The following APOA5 variants were observed in gnomAD, a reference collection of about 807,000 sequenced individuals.
APOA5 encodes the protein apolipoprotein A5.
A neutral mutation model predicts 31.8 loss-of-function variants in APOA5; 26 were observed. That is an observed-to-expected ratio of 0.82 (90% CI 0.60 to 1.13). The LOEUF is 1.13. Ranked by LOEUF, APOA5 falls within the 50% of genes most tolerant of loss-of-function variation. The pLI is 0.00. For missense variants in APOA5, 450 were observed against 488.0 expected (o/e 0.92, Z 0.73); for synonymous variants, 186 against 198.5 (o/e 0.94, Z 0.53).
rs2075291 is a variant in APOA5 at position 116,790,676 on chromosome 11, C to A, written c.553G>T (p.Gly185Cys). 4,702 of 1,612,572 alleles carry A rather than the reference C, an allele frequency of 2.9e-3. 142 individuals carry two copies. The East Asian group carries it at 0.071, about 24-fold the overall frequency. ...GLQSRVVHHT[G>C]RFKELFHPYA... ...GGGTGGAAGAGCTCTTTGAAGCGGCCGGTGTGGTGCACCACGCGGCTCTGC... is the reference window on the plus strand; with the variant it reads ...GGGTGGAAGAGCTCTTTGAAGCGGCAGGTGTGGTGCACCACGCGGCTCTGC... Residue 185 changes from glycine (G) to cysteine (C), a missense_variant, in exon 3 of 3, where the codon GGC (glycine) becomes TGC (cysteine). Physicochemically the swap from Gly to Cys is radical, Grantham distance 159. Transcript: ENST00000227665.
upstream of APOA5, chr11:116,792,263 C>T: frequency 3.1e-6 from 1 of 322,568 alleles, no homozygotes; most frequent in Non-Finnish European, 6.0e-6. Context: ...GAAGAGGCAA[C>T]TCTGCCAAAA....
Position 116,790,836 on chromosome 11 carries a change from G to A in APOA5, c.393C>T (p.Pro131=). ...NLEGLRQQLK[P]YTMDLMEQVA... ...CCTGCTCCATCAGATCCATCGTGTA[G>A]GGCTTCAGTTGCTGCCGCAAGCCCT... Residue 131 remains proline, a synonymous_variant, in exon 3 of 3, where the codon CCC becomes CCT. Transcript: ENST00000227665. 1 of 1,613,842 alleles carries A rather than the reference G, an allele frequency of 6.2e-7. No individual in the cohort carries two copies. Among genetic ancestry groups the A allele is most frequent in the South Asian group, 1.1e-5 (1 of 91,090 alleles).
chr11:116,790,566 G>A lies in APOA5; in HGVS notation c.663C>T (p.Pro221=), dbSNP rs1038579905. The A allele has an allele frequency of 5.6e-6, 9 of 1,593,982 alleles. No individual in the cohort carries two copies. Among genetic ancestry groups the A allele is most frequent in the Admixed American group, 1.7e-5 (1 of 58,928 alleles). The change falls in exon 3 of 3, where the codon CCC becomes CCT. Residue 221 remains proline, a synonymous_variant. Transcript: ENST00000227665. ...CCTGCACGCAGCGACTGAGGCGCGC[G>A]GGGCTGGCGGGGGCGTGCGGAGCCA... ...RSVAPHAPAS[P]ARLSRCVQVL...
chr11:116,791,233 G>T, intron 2 of APOA5, 166 bp from the exon 3 acceptor site: 1 of 721,190 alleles, frequency 1.4e-6, no homozygotes, highest in Non-Finnish European at 2.5e-6. Context: ...ACTCACGCAC[G>T]AAGCACAAAC....
At position 116,791,702 on chromosome 11, in the gene APOA5, G is replaced by A; in HGVS notation, c.50-5C>T. 6.2e-7 allele frequency: 1 copy of A among 1,608,888 alleles called. No homozygotes were observed. The highest frequency in any genetic ancestry group is 8.5e-7 in the Non-Finnish European group (1 of 1,177,564). On this transcript the variant is annotated splice_polypyrimidine_tract_variant and splice_region_variant and intron_variant, in intron 1 of 2. Transcript: ENST00000227665. ...GTGCCTGGGTGGCCGAAAACGCTGTGGAGAGGGACTAGGTAATCAGGGCCT... is the reference window on the plus strand; with the variant it reads ...GTGCCTGGGTGGCCGAAAACGCTGTAGAGAGGGACTAGGTAATCAGGGCCT...
At chr11:116,792,351 A>T, upstream of APOA5, 1 of 218,788 alleles carries the variant, frequency 4.6e-6, no homozygotes, top group Non-Finnish European at 9.3e-6. Context: ...TAGGACTGTG[A>T]CCCCCATCCC....
At chr11:116,791,738 C>T in intron 1 of APOA5, 41 bp from the exon 2 acceptor site, 1 of 1,611,590 alleles carries the variant, frequency 6.2e-7, no homozygotes, top group East Asian at 2.2e-5. Flanking sequence ...GGGCTCTCCT[C>T]CCCCAGGGTG....
rs1940958538 is a variant in APOA5 at position 116,789,777 on chromosome 11, T to A, written c.*351A>T. 1 of 385,356 alleles carries A rather than the reference T, an allele frequency of 2.6e-6. No individual in the cohort carries two copies. The highest frequency in any genetic ancestry group is 2.3e-5 in the South Asian group (1 of 42,768). The allele number at this position is 385,356 out of a possible 1,614,324, so 23.9% of individuals were successfully genotyped here. ...ACTAGAGCCAAACTCCAGGATGTAG[T>A]GGCACAGGCTTCCAGCATCACGGCA... On this transcript the variant is annotated 3_prime_UTR_variant, in exon 3 of 3. Coordinates refer to ENST00000227665, the MANE Select transcript of APOA5 (RefSeq NM_001371904.1).
chr11:116,791,478 CCT>C, intron 2 of APOA5, 106 bp downstream of exon 2: 1 of 1,179,658 alleles, frequency 8.5e-7, no homozygotes, highest in Non-Finnish European at 1.2e-6. Flanking sequence ...CCGCTCCTTT[CCT>C]CTGTCCCAGC....
rs753434004 is a variant in APOA5 at position 116,790,203 on chromosome 11, G to T, written c.1026C>A (p.Ala342=). Residue 342 remains alanine (A), a synonymous_variant, in exon 3 of 3, where the codon GCC becomes GCA. Coordinates refer to ENST00000227665, the MANE Select transcript of APOA5 (RefSeq NM_001371904.1). ...DSGKVLSKLQ[A]RLDDLWEDIT... ...TGTCTTCCCACAGGTCATCCAGACG[G>T]GCCTGCAGCTTGCTCAGAACCTTGC... 6 of 1,614,270 alleles carry T rather than the reference G, an allele frequency of 3.7e-6. No homozygotes were observed. The East Asian group carries it at 1.3e-4, about 36-fold the overall frequency.
chr11:116,790,348 A>C lies in APOA5; in HGVS notation c.881T>G (p.Leu294Arg), dbSNP rs1479224300. The change falls in exon 3 of 3, where the codon CTG becomes CGG. Residue 294 changes from leucine to arginine, a missense_variant. Leu to Arg is a moderately radical substitution (Grantham distance 102). Coordinates refer to ENST00000227665, the MANE Select transcript of APOA5 (RefSeq NM_001371904.1). ...RLQAFRQDTY[L>R]QIAAFTRAID... ...GGCGCGAGTGAAGGCAGCTATCTGC[A>C]GGTAGGTGTCCTGGCGGAAAGCCTG... 1 of 1,614,072 alleles carries C rather than the reference A, an allele frequency of 6.2e-7. No homozygotes were observed. Among genetic ancestry groups the C allele is most frequent in the Non-Finnish European group, 8.5e-7 (1 of 1,180,044 alleles).
Position 116,789,542 on chromosome 11 carries a change from ATGGGCTCTGCCC to A in APOA5, c.*574_*585del. The A allele has an allele frequency of 6.0e-6, 1 of 166,638 alleles. No individual in the cohort carries two copies. Among genetic ancestry groups the A allele is most frequent in the Non-Finnish European group, 1.3e-5 (1 of 75,986 alleles). 10.3% of individuals were successfully genotyped at this position (166,638 alleles called of 1,614,324 possible). On this transcript the variant is annotated 3_prime_UTR_variant, in exon 3 of 3. Coordinates refer to ENST00000227665, the MANE Select transcript of APOA5 (RefSeq NM_001371904.1). ...TAGGTGTAGAGCTATGTCAGGAAACATGGGCTCTGCCCTCTCCTATCACAGCCCACACCTTTC... is the reference window on the plus strand; with the variant it reads ...TAGGTGTAGAGCTATGTCAGGAAACATCTCCTATCACAGCCCACACCTTTC...
At position 116,791,660 on chromosome 11, in the gene APOA5, G is replaced by A; in HGVS notation, c.87C>T (p.Asp29=). ...SATQARKGFW[D]YFSQTSGDKG... is the part of the protein sequence containing the mutation. Reference sequence around the variant, plus strand: ...TGTCCCCGCTGGTCTGGCTGAAGTAGTCCCAGAAGCCTTTCCGTGCCTGGG... The same window carrying A: ...TGTCCCCGCTGGTCTGGCTGAAGTAATCCCAGAAGCCTTTCCGTGCCTGGG... Residue 29 remains aspartate, a synonymous_variant, in exon 2 of 3, where the codon GAC becomes GAT. Transcript: ENST00000227665. 6.2e-7 allele frequency: 1 copy of A among 1,610,970 alleles called. No individual in the cohort carries two copies. Among genetic ancestry groups the A allele is most frequent in the South Asian group, 1.1e-5 (1 of 90,460 alleles).
At chr11:116,791,229 GCACGAAGCACAAA>G in intron 2 of APOA5, 162 bp from the exon 3 acceptor site, 5 of 723,112 alleles carry the variant, frequency 6.9e-6, no homozygotes, top group Non-Finnish European at 1.2e-5. Flanking sequence ...AACAACTCAC[GCACGAAGCACAAA>G]CACATTGCCC....
rs760626837 is a variant in APOA5 at position 116,790,500 on chromosome 11, G to A, written c.729C>T (p.His243=). ...RKLTLKAKAL[H]ARIQQNLDQL... ...GGTCCAGGTTCTGCTGGATGCGTGC[G>A]TGCAGGGCCTTGGCCTTGAGCGTGA... Residue 243 remains histidine, a synonymous_variant, in exon 3 of 3, where the codon CAC becomes CAT. Transcript: ENST00000227665. 7.5e-6 allele frequency: 12 copies of A among 1,601,304 alleles called. No individual in the cohort carries two copies. Among genetic ancestry groups the A allele is most frequent in the African/African-American group, 1.3e-5 (1 of 74,922 alleles).
rs114627122 is a variant in APOA5, at chr11:116,789,956, G to A, written c.*172C>T. ...TGTAATGCATCCAGATTGGGGAGTC[G>A]CAGGAGGCTGGATGTGCAGGAGACA... On this transcript the variant is annotated 3_prime_UTR_variant, in exon 3 of 3. Transcript: ENST00000227665. 2.1e-3 allele frequency: 1,436 copies of A among 681,238 alleles called. 19 individuals carry two copies. In the African/African-American group the frequency reaches 0.022, roughly 10 times the overall value. 42.2% of individuals were successfully genotyped at this position (681,238 alleles called of 1,614,324 possible).
In APOA5 at chr11:116,789,982, G is replaced by T; in HGVS notation, c.*146C>A. Reference sequence around the variant, plus strand: ...CAGGAGGCTGGATGTGCAGGAGACAGCAGCCCCTTTGGTGGCCTCCCTGTC... The same window carrying T: ...CAGGAGGCTGGATGTGCAGGAGACATCAGCCCCTTTGGTGGCCTCCCTGTC... On this transcript the variant is annotated 3_prime_UTR_variant, in exon 3 of 3. Transcript: ENST00000227665. 1 of 817,578 alleles carries T rather than the reference G, an allele frequency of 1.2e-6. No individual in the cohort carries two copies. The highest frequency in any genetic ancestry group is 2.0e-6 in the Non-Finnish European group (1 of 497,176). 50.6% of individuals were successfully genotyped at this position (817,578 alleles called of 1,614,324 possible).
In APOA5 at chr11:116,790,231, C is replaced by T. The variant is rs750842108; in HGVS notation, c.998G>A (p.Ser333Asn). Residue 333 changes from serine (S) to asparagine (N), a missense_variant, in exon 3 of 3, where the codon AGT (serine) becomes AAT (asparagine). Transcript: ENST00000227665. Reference sequence around the variant, plus strand: ...CTGCAGCTTGCTCAGAACCTTGCCACTGTCTGTTTGTTGAAACTCTGGGGC... The same window carrying T: ...CTGCAGCTTGCTCAGAACCTTGCCATTGTCTGTTTGTTGAAACTCTGGGGC... Reference protein sequence around the residue: ...AFAPEFQQTDSGKVLSKLQAR... With the variant: ...AFAPEFQQTDNGKVLSKLQAR... 3.7e-6 allele frequency: 6 copies of T among 1,614,254 alleles called. No individual in the cohort carries two copies. In the South Asian group the frequency reaches 6.6e-5, roughly 18 times the overall value.
rs1940965744 is a variant in APOA5, at chr11:116,790,022, C to T, written c.*106G>A. ...GCCTCCCTGTCCTGCACAGGACCTT[C>T]CACCCTCCACCCAACAGGCCACTTT... On this transcript the variant is annotated 3_prime_UTR_variant, in exon 3 of 3. Coordinates refer to ENST00000227665, the MANE Select transcript of APOA5 (RefSeq NM_001371904.1). 1 of 1,277,724 alleles carries T rather than the reference C, an allele frequency of 7.8e-7. No individual in the cohort carries two copies. Among genetic ancestry groups the T allele is most frequent in the Non-Finnish European group, 1.1e-6 (1 of 901,212 alleles). 79.1% of individuals were successfully genotyped at this position (1,277,724 alleles called of 1,614,324 possible). A position where few individuals can be genotyped will look rare whatever the true frequency, so the allele number is the denominator to read the frequency against.
Sources: allele counts gnomAD v4.1 joint callset, GRCh38; gene constraint gnomAD v4.1.1; transcripts MANE v1.5; gene names NCBI Gene and HGNC (gene_info 2026-07-23, HGNC 2026-07-21).